PRDM16: variants seen among roughly 807,000 people sequenced by gnomAD.
The protein encoded by PRDM16 is histone-lysine N-methyltransferase PRDM16.
In PRDM16, 23 loss-of-function variants were observed where a neutral mutation model predicts 110.6. The observed-to-expected ratio is 0.21, with a 90% CI of 0.15 to 0.29. The LOEUF (loss-of-function observed/expected upper bound fraction) is 0.29, where lower values mean the gene tolerates loss of function less well. PRDM16 is among the 10% of genes least tolerant of loss of function. PRDM16 has a pLI of 1.00. For missense variants in PRDM16, 1,615 were observed against 1,794.3 expected (o/e 0.90, Z 1.81); for synonymous variants, 799 against 781.8 (o/e 1.02, Z -0.37).
chr1:3,319,314 C>T (rs150454431), intron 3 of PRDM16, among the ~76,000 whole-genome samples: 31 of 152,182 alleles, frequency 2.0e-4, no homozygotes, highest in Non-Finnish European at 3.4e-4. Flanking sequence ...GAGCTGGCAC[C>T]AAGGCTCAAC....
chr1:3,432,318 C>T (rs770007382), intron 16 of PRDM16, among the ~76,000 whole-genome samples, 178 bp downstream of exon 16: 2 of 152,212 alleles, frequency 1.3e-5, no homozygotes, highest in South Asian at 2.1e-4. Flanking sequence ...CAAGCTGGGG[C>T]GCAGCAGGGA....
intron 3 of PRDM16, among the ~76,000 whole-genome samples, chr1:3,356,567 G>A (rs183296763): frequency 7.7e-4 from 117 of 152,322 alleles, no homozygotes; most frequent in African/African-American, 1.9e-3. Context: ...AATAAAAGCC[G>A]CAGCTGCCAA....
At chr1:3,219,882 C>T (rs1012433548) in intron 2 of PRDM16, among the ~76,000 whole-genome samples, 2 of 152,236 alleles carry the variant, frequency 1.3e-5, no homozygotes, top group African/African-American at 2.4e-5. Context: ...CCCCCACAGG[C>T]ATGAGGTCCC....
chr1:3,402,606 A>T (rs554525537), intron 5 of PRDM16, among the ~76,000 whole-genome samples, 185 bp from the exon 6 acceptor site: 276 of 152,202 alleles, frequency 1.8e-3, no homozygotes, highest in Non-Finnish European at 2.3e-3. Context: ...GGGACTCCAC[A>T]TGCCTGTTTC....
At chr1:3,100,364 C>T (rs1000244299) in intron 1 of PRDM16, among the ~76,000 whole-genome samples, 1 of 152,212 alleles carries the variant, frequency 6.6e-6, no homozygotes, top group Admixed American at 6.5e-5. Context: ...TCTACTGGGT[C>T]CTCTCTTCCA....
At chr1:3,398,196 G>A (rs1052348278) in intron 5 of PRDM16, among the ~76,000 whole-genome samples, 2 of 152,148 alleles carry the variant, frequency 1.3e-5, no homozygotes, top group African/African-American at 2.4e-5. Flanking sequence ...TCATTTGTAC[G>A]ATGAAATTTC....
At chr1:3,099,835 C>G (rs774518790) in intron 1 of PRDM16, among the ~76,000 whole-genome samples, 1 of 152,192 alleles carries the variant, frequency 6.6e-6, no homozygotes, top group African/African-American at 2.4e-5. Context: ...AGTGAACCGT[C>G]GTGGGAGTGG....
chr1:3,418,662 C>G lies in PRDM16; in HGVS notation c.2862-5C>G. 1 of 1,609,210 alleles carries G rather than the reference C, an allele frequency of 6.2e-7. No individual in the cohort carries two copies. ...CCTCACCCTCCCCACCTCCCTCCACCCCAGGTACTGTGGGAAGATCTTCCC... is the reference window on the plus strand; with the variant it reads ...CCTCACCCTCCCCACCTCCCTCCACGCCAGGTACTGTGGGAAGATCTTCCC... On this transcript the variant is annotated splice_polypyrimidine_tract_variant and splice_region_variant and intron_variant, in intron 11 of 16. Transcript: ENST00000270722.
intron 3 of PRDM16, among the ~76,000 whole-genome samples, chr1:3,274,566 TG>T (rs1234244300): frequency 6.6e-6 from 1 of 152,262 alleles, no homozygotes; most frequent in African/African-American, 2.4e-5. Context: ...TTGTGCTTAG[TG>T]GCTTTAATCA....
In PRDM16 at chr1:3,080,453, A is replaced by G. The variant is rs543163630; in HGVS notation, c.37+11157A>G. 1.3e-5 allele frequency among the ~76,000 whole-genome samples: 2 copies of G among 152,274 alleles called. No homozygotes were observed. The highest frequency in any genetic ancestry group is 3.9e-4 in the East Asian group (2 of 5,166). On this transcript the variant is annotated intron_variant, in intron 1 of 16. Transcript: ENST00000270722. This position sits in a 1 kb window ranked among gnomAD's most constrained non-coding sequence, Gnocchi z 5.2. ...TTTTCTTTAATGAAACAGCCCGACAATGTGGCTAATTATTTATTTATCACA... is the reference window on the plus strand; with the variant it reads ...TTTTCTTTAATGAAACAGCCCGACAGTGTGGCTAATTATTTATTTATCACA...
intron 3 of PRDM16, among the ~76,000 whole-genome samples, chr1:3,297,505 A>G (rs2100379020): frequency 6.6e-6 from 1 of 152,138 alleles, no homozygotes; most frequent in East Asian, 1.9e-4. Context: ...GCTGGTCTCA[A>G]ACTCCTGACC....
In PRDM16 at chr1:3,168,869, A is replaced by G. The variant is rs1395395754; in HGVS notation, c.38-17256A>G. 2.6e-5 allele frequency among the ~76,000 whole-genome samples: 4 copies of G among 152,054 alleles called. No individual in the cohort carries two copies. In the East Asian group the frequency reaches 7.8e-4, roughly 29 times the overall value. ...TGTCGTTCCACTTCTGCAGATGAGA[A>G]GCTCTGGCCTACCGAGCCTACTCCT... On this transcript the variant is annotated intron_variant, in intron 1 of 16. Transcript: ENST00000270722.
chr1:3,310,883 G>A (rs150089123), intron 3 of PRDM16, among the ~76,000 whole-genome samples: 22 of 149,612 alleles, frequency 1.5e-4, no homozygotes, highest in East Asian at 6.5e-4. Flanking sequence ...GTGGGCATGC[G>A]TGTGTGTGAG....
intron 2 of PRDM16, among the ~76,000 whole-genome samples, chr1:3,196,694 G>T (rs1265603088): frequency 6.6e-6 from 1 of 152,212 alleles, no homozygotes; most frequent in Non-Finnish European, 1.5e-5. Context: ...GAGTTCCCGG[G>T]GGAGGTCCCA....
In PRDM16 at chr1:3,201,098, T is replaced by C. The variant is rs1014041024; in HGVS notation, c.387+14624T>C. ...AGCTGCCCAAATGACTGAAGTCTGATGGCAGAAGGACATCAGGACCCCTGA... is the reference window on the plus strand; with the variant it reads ...AGCTGCCCAAATGACTGAAGTCTGACGGCAGAAGGACATCAGGACCCCTGA... On this transcript the variant is annotated intron_variant, in intron 2 of 16. Transcript: ENST00000270722. This position sits in a 1 kb window ranked among gnomAD's most constrained non-coding sequence, Gnocchi z 4.1. Among the ~76,000 whole-genome samples the C allele has an allele frequency of 7.9e-5, 12 of 152,072 alleles. No individual in the cohort carries two copies. The highest frequency in any genetic ancestry group is 2.9e-4 in the African/African-American group (12 of 41,398).
At chr1:3,380,684 C>T (rs375994718) in intron 3 of PRDM16, among the ~76,000 whole-genome samples, 2 of 152,252 alleles carry the variant, frequency 1.3e-5, no homozygotes, top group South Asian at 2.1e-4. Flanking sequence ...AGATGTTTAC[C>T]CTGGCAGGGG....
chr1:3,145,935 C>T (rs1420605793), intron 1 of PRDM16, among the ~76,000 whole-genome samples: 1 of 152,046 alleles, frequency 6.6e-6, no homozygotes, highest in Admixed American at 6.5e-5. Flanking sequence ...TCCCCCGGCG[C>T]CCCCCGGGTC....
chr1:3,094,262 T>TC (rs1642342165), intron 1 of PRDM16, among the ~76,000 whole-genome samples: 1 of 152,184 alleles, frequency 6.6e-6, no homozygotes, highest in Non-Finnish European at 1.5e-5. Flanking sequence ...GCACCCGCCA[T>TC]CCCCACCCTG....
intron 4 of PRDM16, among the ~76,000 whole-genome samples, chr1:3,385,689 G>A (rs192176412): frequency 6.6e-6 from 1 of 152,354 alleles, no homozygotes; most frequent in African/African-American, 2.4e-5. Flanking sequence ...AAATGGCGCT[G>A]TTTCACCAAA....
Sources: allele counts gnomAD v4.1 joint callset (sites outside exome capture counted in the v4.1 genomes callset), GRCh38; gene constraint gnomAD v4.1.1; non-coding constraint Gnocchi (gnomAD v3.1); transcripts MANE v1.5; gene names NCBI Gene and HGNC (gene_info 2026-07-23, HGNC 2026-07-21).